MLLT3: variants seen among roughly 807,000 people sequenced by gnomAD.
MLLT3 encodes the protein MLLT3 super elongation complex subunit, also known as protein AF-9.
A neutral mutation model predicts 53.2 loss-of-function variants in MLLT3; 4 were observed. That is an observed-to-expected ratio of 0.08 (90% confidence interval 0.04 to 0.17). MLLT3 has a LOEUF of 0.17. Ranked by LOEUF, MLLT3 falls within the 10% of genes least tolerant of loss-of-function variation. The pLI, the probability that MLLT3 is intolerant of heterozygous loss-of-function variation, is 1.00. For missense variants in MLLT3, 569 were observed against 684.0 expected (o/e 0.83, Z 1.87); for synonymous variants, 283 against 230.6 (o/e 1.23, Z -2.06).
chr9:20,521,269 C>G (rs1438639501), intron 2 of MLLT3, among the ~76,000 whole-genome samples: 2 of 152,064 alleles, frequency 1.3e-5, no homozygotes, highest in African/African-American at 4.8e-5. Context: ...TGGGGTTTCG[C>G]CGTGTTGGCC....
Position 20,345,666 on chromosome 9 carries a change from G to C in MLLT3, c.*777C>G. ...CCTACAAGTTTATTGACTAAGGCTAGACAGCAATTCATATGATCCTATTTG... is the reference window on the plus strand; with the variant it reads ...CCTACAAGTTTATTGACTAAGGCTACACAGCAATTCATATGATCCTATTTG... On this transcript the variant is annotated 3_prime_UTR_variant, in exon 11 of 11. Coordinates refer to ENST00000380338, the MANE Select transcript of MLLT3 (RefSeq NM_004529.4). 1 of 215,094 alleles carries C rather than the reference G, an allele frequency of 4.6e-6. No individual in the cohort carries two copies. Among genetic ancestry groups the C allele is most frequent in the East Asian group, 6.9e-5 (1 of 14,508 alleles). The allele number at this position is 215,094 out of a possible 1,614,324, so 13.3% of individuals were successfully genotyped here.
At chr9:20,389,299 A>G (rs982322673) in intron 5 of MLLT3, among the ~76,000 whole-genome samples, 1 of 152,236 alleles carries the variant, frequency 6.6e-6, no homozygotes, top group East Asian at 1.9e-4. Context: ...ATTCATATCA[A>G]TTGTCTAGAA....
At chr9:20,598,744 C>G (rs1820338814) in intron 2 of MLLT3, among the ~76,000 whole-genome samples, 1 of 152,168 alleles carries the variant, frequency 6.6e-6, no homozygotes, top group Admixed American at 6.5e-5. Flanking sequence ...AAGTGCTGAG[C>G]TATTTAAGTG....
chr9:20,475,297 G>T (rs1343570755), intron 2 of MLLT3, among the ~76,000 whole-genome samples: 16 of 151,962 alleles, frequency 1.1e-4, no homozygotes, highest in Admixed American at 1.0e-3. Context: ...AGCCAAACAG[G>T]TATCTCTCAA....
intron 2 of MLLT3, among the ~76,000 whole-genome samples, chr9:20,614,603 G>A (rs1191656690): frequency 6.6e-6 from 1 of 151,566 alleles, no homozygotes; most frequent in African/African-American, 2.4e-5. Context: ...CTCGTCCATG[G>A]TTTGACTTTT....
At chr9:20,569,810 T>C (rs10964619) in intron 2 of MLLT3, among the ~76,000 whole-genome samples, 87,475 of 151,686 alleles carry the variant, frequency 0.58, 25,940 homozygotes, top group East Asian at 0.75. Context: ...CATACCTATG[T>C]ATACGTAAAG....
intron 2 of MLLT3, among the ~76,000 whole-genome samples, chr9:20,509,733 G>C (rs1212333558): frequency 6.6e-6 from 1 of 152,140 alleles, no homozygotes; most frequent in Non-Finnish European, 1.5e-5. Context: ...CCTGAACTTT[G>C]TCTTACACAT....
intron 9 of MLLT3, among the ~76,000 whole-genome samples, chr9:20,354,253 A>G (rs1308392629): frequency 1.3e-5 from 2 of 152,210 alleles, no homozygotes; most frequent in Non-Finnish European, 2.9e-5. Context: ...CTCTCTTTCC[A>G]TATGCTCAGA....
chr9:20,582,656 T>C (rs1587096180), intron 2 of MLLT3, among the ~76,000 whole-genome samples: 2 of 152,094 alleles, frequency 1.3e-5, no homozygotes, highest in African/African-American at 4.8e-5. Context: ...AGAATCATGA[T>C]AGGAGGTGAA....
chr9:20,596,091 A>C lies in MLLT3; in HGVS notation c.193+24563T>G, dbSNP rs150236060. On this transcript the variant is annotated intron_variant, in intron 2 of 10. Transcript: ENST00000380338. ...ATATAAAAAGTCACAAGCTTAAATT[A>C]TGGGCAGGCTTAAGGGAAAACTTGA... is the stretch of plus-strand genomic sequence containing the variant. 5.9e-3 allele frequency among the ~76,000 whole-genome samples: 892 copies of C among 152,354 alleles called. 8 individuals are homozygous for C. Among genetic ancestry groups the C allele is most frequent in the African/African-American group, 0.021 (854 of 41,588 alleles).
Position 20,571,101 on chromosome 9 carries a change from G to C in MLLT3, c.193+49553C>G, listed in dbSNP as rs74305687. Among the ~76,000 whole-genome samples the C allele has an allele frequency of 0.011, 1,648 of 152,216 alleles. 74 individuals are homozygous for C. In the East Asian group the frequency reaches 0.14, roughly 13 times the overall value. ...CTTAGTTACACACAGAAAAAAACAA[G>C]GACCACCACGTGTACTCACACATAT... On this transcript the variant is annotated intron_variant, in intron 2 of 10. Coordinates refer to ENST00000380338, the MANE Select transcript of MLLT3 (RefSeq NM_004529.4).
chr9:20,429,555 A>AG, intron 4 of MLLT3, among the ~76,000 whole-genome samples: 1 of 151,862 alleles, frequency 6.6e-6, no homozygotes, highest in Middle Eastern at 3.2e-3. Context: ...AGGGGGGAAA[A>AG]AAAGGAAAAA....
At chr9:20,484,907 G>A (rs1388692621) in intron 2 of MLLT3, among the ~76,000 whole-genome samples, 1 of 152,166 alleles carries the variant, frequency 6.6e-6, no homozygotes, top group Non-Finnish European at 1.5e-5. Flanking sequence ...TAAGGAGTAT[G>A]TATGGTAAAG....
At chr9:20,511,748 A>C (rs1563794496) in intron 2 of MLLT3, among the ~76,000 whole-genome samples, 1 of 152,074 alleles carries the variant, frequency 6.6e-6, no homozygotes, top group Non-Finnish European at 1.5e-5. Flanking sequence ...ACATACATAC[A>C]TACATATGCG....
At position 20,622,280 on chromosome 9, in the gene MLLT3, G is replaced by A; in HGVS notation, c.-24C>T. 6.3e-7 allele frequency: 1 copy of A among 1,582,538 alleles called. No homozygotes were observed. The highest frequency in any genetic ancestry group is 1.4e-5 in the African/African-American group (1 of 73,530). On this transcript the variant is annotated 5_prime_UTR_variant, in exon 1 of 11. Transcript: ENST00000380338. ...ATGCCTGGGGGCCCGGAGGTTTGCT[G>A]GGGTGTTGTGTGGTACCCCCCCCTC... is the stretch of plus-strand genomic sequence containing the variant.
chr9:20,459,855 A>G (rs1824066455), intron 2 of MLLT3, among the ~76,000 whole-genome samples: 1 of 152,236 alleles, frequency 6.6e-6, no homozygotes, highest in South Asian at 2.1e-4. Flanking sequence ...AACAATGAAC[A>G]ATGTCTGTAA....
chr9:20,617,433 G>A (rs959945653), intron 2 of MLLT3, among the ~76,000 whole-genome samples: 1 of 152,058 alleles, frequency 6.6e-6, no homozygotes, highest in Non-Finnish European at 1.5e-5. Context: ...GGCCAAATTA[G>A]CTTCCATAAA....
intron 10 of MLLT3, 97 bp downstream of exon 10, chr9:20,353,428 G>C: frequency 1.0e-6 from 1 of 983,578 alleles, no homozygotes; most frequent in Non-Finnish European, 1.6e-6. Context: ...TTCTGATAGC[G>C]TGGGGCTGCA....
chr9:20,572,793 C>G (rs1415915860), intron 2 of MLLT3, among the ~76,000 whole-genome samples: 1 of 151,902 alleles, frequency 6.6e-6, no homozygotes, highest in Non-Finnish European at 1.5e-5. Context: ...GACTCCACCT[C>G]AAAAAATAAT....
Sources: allele counts gnomAD v4.1 joint callset (sites outside exome capture counted in the v4.1 genomes callset), GRCh38; gene constraint gnomAD v4.1.1; transcripts MANE v1.5; gene names NCBI Gene and HGNC (gene_info 2026-07-23, HGNC 2026-07-21).